Variants in TJP1 observed in about 807,000 individuals in gnomAD.
TJP1 encodes the protein tight junction protein 1.
Under a neutral mutation model 194.2 loss-of-function variants are expected in TJP1, and 43 were observed. The observed-to-expected ratio is 0.22, with a 90% CI of 0.17 to 0.29. The LOEUF (loss-of-function observed/expected upper bound fraction) is 0.29, where lower values mean the gene tolerates loss of function less well. Among genes scored for constraint, TJP1 ranks in the 10% least tolerant of loss-of-function variants. TJP1 has a pLI of 1.00. For synonymous variants in TJP1, 801 were observed against 779.0 expected, an observed-to-expected ratio of 1.03 and a Z score of -0.47; for missense variants, 1,971 against 2,185.7, an observed-to-expected ratio of 0.90 and a Z score of 1.96.
At chr15:29,884,371 G>C (rs891056552) in intron 2 of TJP1, among the ~76,000 whole-genome samples, 1 of 152,144 alleles carries the variant, frequency 6.6e-6, no homozygotes, top group African/African-American at 2.4e-5. Flanking sequence ...GAATCTTAGA[G>C]GGTAGAGCCC....
chr15:29,802,731 T>C (rs2151898425), intron 1 of TJP1, among the ~76,000 whole-genome samples: 1 of 152,300 alleles, frequency 6.6e-6, no homozygotes, highest in Non-Finnish European at 1.5e-5. Context: ...GTTTGTCCAA[T>C]CTCAGCTGAT....
intron 11 of TJP1, among the ~76,000 whole-genome samples, chr15:29,735,588 G>GA (rs79594334): frequency 0.013 from 1,182 of 91,602 alleles, 15 homozygotes; most frequent in East Asian, 0.095. Flanking sequence ...CTGTCTCAAG[G>GA]AAAAAAAAAA....
At chr15:29,843,469 G>A (rs555735007) in intron 2 of TJP1, among the ~76,000 whole-genome samples, 105 of 152,210 alleles carry the variant, frequency 6.9e-4, no homozygotes, top group Non-Finnish European at 1.1e-3. Context: ...GATTACAGGC[G>A]TGAGCCACCG....
intron 2 of TJP1, among the ~76,000 whole-genome samples, chr15:29,784,065 A>G (rs2047544047): frequency 6.6e-6 from 1 of 152,144 alleles, no homozygotes; most frequent in Admixed American, 6.5e-5. Context: ...AGCATGATAT[A>G]TATGAACAGT....
rs147606115 is a variant in TJP1 at position 29,844,870 on chromosome 15, C to T, written c.307-44168G>A. Among the ~76,000 whole-genome samples, 325 of 152,250 alleles carry T rather than the reference C, an allele frequency of 2.1e-3. 1 individual carries two copies. Among genetic ancestry groups the T allele is most frequent in the African/African-American group, 7.4e-3 (309 of 41,546 alleles). ...CATGAGGAGGGGCTAGCTCACAAAG[C>T]AGGGTGCAGATACCAAGAAGAGATC... On this transcript the variant is annotated intron_variant, in intron 2 of 28. Coordinates refer to the TJP1 transcript ENST00000356107.
chr15:29,816,433 G>C (rs906602893), intron 1 of TJP1, among the ~76,000 whole-genome samples: 1 of 152,146 alleles, frequency 6.6e-6, no homozygotes, highest in African/African-American at 2.4e-5. Context: ...TGAAACAAAT[G>C]TAAGAGTTGT....
chr15:29,786,320 CTTT>C (rs3084376), intron 2 of TJP1, among the ~76,000 whole-genome samples: 6 of 152,090 alleles, frequency 3.9e-5, no homozygotes, highest in Admixed American at 6.6e-5. Flanking sequence ...AAGTCCCCTT[CTTT>C]AAGACTGTCA....
chr15:29,839,809 A>C (rs2051160284), intron 2 of TJP1, among the ~76,000 whole-genome samples: 1 of 152,198 alleles, frequency 6.6e-6, no homozygotes, highest in Admixed American at 6.5e-5. Flanking sequence ...TTAGTTTTGA[A>C]AGGAACTACC....
At position 29,718,163 on chromosome 15, in the gene TJP1, A is replaced by C. The variant is rs771072996; in HGVS notation, c.3877-45T>G. The C allele has an allele frequency of 1.3e-6, 2 of 1,587,694 alleles. 1 individual carries two copies. The highest frequency in any genetic ancestry group is 2.3e-5 in the South Asian group (2 of 85,988). On this transcript the variant is annotated intron_variant, in intron 21 of 27. Coordinates refer to ENST00000614355, the MANE Select transcript of TJP1 (RefSeq NM_001330239.4). Reference sequence around the variant, plus strand: ...AAAAAAAGACAAATATGCCTAAGGAACAGATAATTAACAGAATAGATATCA... The same window carrying C: ...AAAAAAAGACAAATATGCCTAAGGACCAGATAATTAACAGAATAGATATCA...
chr15:29,727,217 G>A (rs934460353), intron 16 of TJP1, among the ~76,000 whole-genome samples: 1 of 151,990 alleles, frequency 6.6e-6, no homozygotes, highest in Non-Finnish European at 1.5e-5. Flanking sequence ...GGTGGTGCAC[G>A]CCTGTAATCC....
chr15:29,849,884 T>G (rs2051574948), intron 2 of TJP1, among the ~76,000 whole-genome samples: 1 of 152,044 alleles, frequency 6.6e-6, no homozygotes, highest in Non-Finnish European at 1.5e-5. Flanking sequence ...CATTAGTGAC[T>G]CACTTCTAAC....
At chr15:29,878,895 C>T (rs1431111465) in intron 2 of TJP1, among the ~76,000 whole-genome samples, 1 of 152,112 alleles carries the variant, frequency 6.6e-6, no homozygotes, top group Admixed American at 6.6e-5. Flanking sequence ...GAGGCTGAGG[C>T]GGGTGGATCA....
At chr15:29,750,812 A>G (rs974996209) in intron 8 of TJP1, among the ~76,000 whole-genome samples, 5 of 152,232 alleles carry the variant, frequency 3.3e-5, no homozygotes, top group Admixed American at 2.6e-4. Flanking sequence ...CATTAATTGC[A>G]TAAGGTAGGC....
In TJP1 at chr15:29,719,061, T is replaced by C; in HGVS notation, c.3081A>G (p.Pro1027=). ...HVLKQPAVSH[P]GHRPDKEPNL... is the part of the protein sequence containing the mutation. ...TAGGCTCTTTGTCTGGCCTGTGCCC[T>C]GGGTGACTAACGGCTGGCTGTTTCA... Residue 1027 remains proline, a synonymous_variant, in exon 21 of 28, where the codon CCA becomes CCG. Transcript: ENST00000614355. The C allele has an allele frequency of 6.2e-7, 1 of 1,614,222 alleles. No individual in the cohort carries two copies. The highest frequency in any genetic ancestry group is 2.2e-5 in the East Asian group (1 of 44,878).
intron 23 of TJP1, among the ~76,000 whole-genome samples, chr15:29,715,486 ATGTTCT>A (rs778787826): frequency 6.6e-6 from 1 of 152,242 alleles, no homozygotes; most frequent in Non-Finnish European, 1.5e-5. Flanking sequence ...GTTTTAAAGT[ATGTTCT>A]AAAACAATTT....
chr15:29,922,596 GAA>G (rs1293378451), intron 2 of TJP1, among the ~76,000 whole-genome samples: 1 of 152,146 alleles, frequency 6.6e-6, no homozygotes, highest in Admixed American at 6.5e-5. Flanking sequence ...AGCTGTGTTA[GAA>G]AATGTCTAAT....
intron 2 of TJP1, among the ~76,000 whole-genome samples, chr15:29,923,940 G>C (rs2054447676): frequency 6.6e-6 from 1 of 152,168 alleles, no homozygotes; most frequent in South Asian, 2.1e-4. Context: ...ATGTGTGTGA[G>C]TTTCACCACT....
Position 29,710,995 on chromosome 15 carries a change from T to C in TJP1, c.4208A>G (p.Lys1403Arg). ...ATCCACACCATCAGCTTCAGGAGGC[T>C]TTCCCCTGTTAACAAATGAAGAAAA... is the stretch of plus-strand genomic sequence containing the variant. ...SNFSSYSSKG[K>R]PPEADGVDRS... The change falls in exon 24 of 28, where the codon AAG becomes AGG. Residue 1403 changes from lysine (K) to arginine (R), a missense_variant. Physicochemically the swap from Lys to Arg is conservative, Grantham distance 26. Transcript: ENST00000614355. 2.5e-6 allele frequency: 4 copies of C among 1,587,842 alleles called. No homozygotes were observed. The highest frequency in any genetic ancestry group is 1.1e-5 in the South Asian group (1 of 87,670).
rs80053294 is a variant in TJP1, at chr15:29,954,905, C to A, written c.306+1327G>T. On this transcript the variant is annotated intron_variant, in intron 2 of 28. Coordinates refer to the TJP1 transcript ENST00000356107. ...ACCAGCCTGGCCAAGATGGTGAAAC[C>A]CTGTCTCTACTAAAAATACAAAAAA... Among the ~76,000 whole-genome samples, 32 of 152,012 alleles carry A rather than the reference C, an allele frequency of 2.1e-4. No individual in the cohort carries two copies. In the East Asian group the frequency reaches 5.8e-3, roughly 28 times the overall value.
Sources: gnomAD v4.1 joint callset for allele counts (sites outside exome capture counted in the v4.1 genomes callset) on GRCh38, gnomAD v4.1.1 for gene constraint, MANE v1.5 for transcripts, NCBI Gene and HGNC (gene_info 2026-07-23, HGNC 2026-07-21) for gene names.